Variants in FGF9 observed in about 807,000 individuals in gnomAD.
The protein encoded by FGF9 is fibroblast growth factor 9, also known as fibroblast growth factor 9 (glia-activating factor).
In FGF9, 3 loss-of-function variants were observed where a neutral mutation model predicts 19.9. The observed-to-expected ratio is 0.15, with a 90% confidence interval of 0.07 to 0.39. The LOEUF is 0.39. Ranked by LOEUF, FGF9 falls within the 10% of genes least tolerant of loss-of-function variation. FGF9 has a pLI of 1.00. For synonymous variants in FGF9, 107 were observed against 106.9 expected (o/e 1.00, Z -0.01); for missense variants, 175 against 256.8 (o/e 0.68, Z 2.18).
chr13:21,701,098 G>C lies in FGF9; in HGVS notation c.382-92G>C, dbSNP rs1593101351. ...AAATAGATAAACGTGTGCCAAGGTG[G>C]TTTGCTGCACCTATCAATCCATCCC... On this transcript the variant is annotated intron_variant, in intron 2 of 2. Coordinates refer to ENST00000382353, the MANE Select transcript of FGF9 (RefSeq NM_002010.3). 2.5e-5 allele frequency: 25 copies of C among 989,466 alleles called. No homozygotes were observed. The East Asian group carries it at 6.5e-4, about 26-fold the overall frequency. The allele number at this position is 989,466 out of a possible 1,614,324, so 61.3% of individuals were successfully genotyped here. A position where few individuals can be genotyped will look rare whatever the true frequency, so the allele number is the denominator to read the frequency against.
chr13:21,702,108 C>T lies in FGF9; in HGVS notation c.*673C>T, dbSNP rs1263929164. On this transcript the variant is annotated 3_prime_UTR_variant, in exon 3 of 3. Transcript: ENST00000382353. ...TATATAGAGTTTATTTTTAATGAAA[C>T]ATGTACAGGCCAGATAGGCATTTTG... is the stretch of plus-strand genomic sequence containing the variant. 1.3e-5 allele frequency: 2 copies of T among 151,582 alleles called. No individual in the cohort carries two copies. The highest frequency in any genetic ancestry group is 1.3e-4 in the Admixed American group (2 of 15,232). The allele number at this position is 151,582 out of a possible 1,614,324, so 9.4% of individuals were successfully genotyped here. A position where few individuals can be genotyped will look rare whatever the true frequency, so the allele number is the denominator to read the frequency against.
chr13:21,695,081 TGC>T (rs1167030772), intron 2 of FGF9, among the ~76,000 whole-genome samples: 70 of 139,832 alleles, frequency 5.0e-4, no homozygotes, highest in African/African-American at 1.6e-3. Flanking sequence ...TGTGTGTGTG[TGC>T]GTGTGTGTGT....
intron 2 of FGF9, among the ~76,000 whole-genome samples, chr13:21,684,248 T>C (rs1872106885): frequency 2.0e-5 from 3 of 152,226 alleles, no homozygotes; most frequent in South Asian, 2.1e-4. Flanking sequence ...GTTCCCATTA[T>C]TACATAAGTC....
Position 21,673,622 on chromosome 13 carries a change from G to T in FGF9, c.277+1433G>T. The stretch of plus-strand genomic sequence containing the variant: ...GAGAAGACTAAACTTTACTAAAAGT[G>T]CCGTTTCCATCTGGCCTCTTTAAGG... On this transcript the variant is annotated intron_variant, in intron 1 of 2. Coordinates refer to ENST00000382353, the MANE Select transcript of FGF9 (RefSeq NM_002010.3). Among the ~76,000 whole-genome samples the T allele has an allele frequency of 1.3e-5, 2 of 152,224 alleles. 1 individual carries two copies. The highest frequency in any genetic ancestry group is 3.8e-4 in the East Asian group (2 of 5,204).
intron 1 of FGF9, among the ~76,000 whole-genome samples, chr13:21,678,399 C>T (rs1871964503): frequency 6.6e-6 from 1 of 152,172 alleles, no homozygotes; most frequent in Non-Finnish European, 1.5e-5. Context: ...TATTAACCTC[C>T]TTAAACCTCA....
intron 2 of FGF9, among the ~76,000 whole-genome samples, chr13:21,692,533 G>A (rs532618729): frequency 5.3e-5 from 8 of 152,300 alleles, no homozygotes; most frequent in African/African-American, 1.9e-4. Flanking sequence ...GCAGCCATGG[G>A]CCGTCTTCTC....
intron 1 of FGF9, among the ~76,000 whole-genome samples, chr13:21,679,439 T>C (rs1444111969): frequency 3.3e-5 from 5 of 152,198 alleles, no homozygotes; most frequent in Non-Finnish European, 5.9e-5. Context: ...ATGTAAGTGC[T>C]TTTTTATTAG....
At chr13:21,698,632 T>G (rs944704454) in intron 2 of FGF9, among the ~76,000 whole-genome samples, 2 of 152,168 alleles carry the variant, frequency 1.3e-5, no homozygotes, top group Non-Finnish European at 2.9e-5. Context: ...GGGACTTTTG[T>G]GTATCTGTTT....
intron 2 of FGF9, among the ~76,000 whole-genome samples, chr13:21,682,634 A>G (rs1872067151): frequency 1.3e-5 from 2 of 152,154 alleles, no homozygotes; most frequent in South Asian, 4.2e-4. Context: ...AAGATAAGAT[A>G]CAAGATAAAG....
chr13:21,690,479 C>T (rs1471976185), intron 2 of FGF9, among the ~76,000 whole-genome samples: 3 of 152,204 alleles, frequency 2.0e-5, no homozygotes, highest in African/African-American at 7.2e-5. Context: ...CTCACAACCC[C>T]TTGTTTCTTG....
rs548822879 is a variant in FGF9 at position 21,701,619 on chromosome 13, TCTC to T, written c.*190_*192del. 1,756 of 794,032 alleles carry T rather than the reference TCTC, an allele frequency of 2.2e-3. 4 individuals carry two copies. Among genetic ancestry groups the T allele is most frequent in the Non-Finnish European group, 2.6e-3 (1,295 of 501,034 alleles). The allele number at this position is 794,032 out of a possible 1,614,324, so 49.2% of individuals were successfully genotyped here. On this transcript the variant is annotated 3_prime_UTR_variant, in exon 3 of 3. Transcript: ENST00000382353. ...TGATTTTGTTCTGCACTTAAAGGCT[TCTC>T]CTCCTGGAGGGCTGCCTAGGGCCAC...
chr13:21,672,909 C>T lies in FGF9; in HGVS notation c.277+720C>T, dbSNP rs1351181212. Among the ~76,000 whole-genome samples, 1 of 151,520 alleles carries T rather than the reference C, an allele frequency of 6.6e-6. No homozygotes were observed. The highest frequency in any genetic ancestry group is 1.5e-5 in the Non-Finnish European group (1 of 67,764). On this transcript the variant is annotated intron_variant, in intron 1 of 2. Transcript: ENST00000382353. This position sits in a 1 kb window ranked among gnomAD's most constrained non-coding sequence, Gnocchi z 4.2. The stretch of plus-strand genomic sequence containing the variant: ...AGCCCTGTGTAGGTCTCCTGCGTGG[C>T]TCTCTGGTGTGAGTGTGTGCGCGCG...
chr13:21,675,453 C>T (rs960216159), intron 1 of FGF9, among the ~76,000 whole-genome samples: 1 of 151,940 alleles, frequency 6.6e-6, no homozygotes, highest in African/African-American at 2.4e-5. Flanking sequence ...GGCGCTAGGA[C>T]ACCGCGGCTC....
At chr13:21,675,755 C>T (rs985052023) in intron 1 of FGF9, among the ~76,000 whole-genome samples, 2 of 152,104 alleles carry the variant, frequency 1.3e-5, no homozygotes, top group Non-Finnish European at 2.9e-5. Context: ...GAAGGAAACG[C>T]GCTGGAAAAA....
Position 21,701,318 on chromosome 13 carries a change from G to C in FGF9, c.510G>C (p.Gly170=). 6.2e-7 allele frequency: 1 copy of C among 1,613,972 alleles called. No individual in the cohort carries two copies. Residue 170 remains glycine (G), a synonymous_variant, in exon 3 of 3, where the codon GGG becomes GGC. Coordinates refer to ENST00000382353, the MANE Select transcript of FGF9 (RefSeq NM_002010.3). ...RRYYVALNKD[G]TPREGTRTKR... is the part of the protein sequence containing the mutation. Reference sequence around the variant, plus strand: ...ACTATGTTGCATTAAATAAAGATGGGACCCCGAGAGAAGGGACTAGGACTA... The same window carrying C: ...ACTATGTTGCATTAAATAAAGATGGCACCCCGAGAGAAGGGACTAGGACTA...
chr13:21,694,959 G>A (rs1482620614), intron 2 of FGF9, among the ~76,000 whole-genome samples: 1 of 152,142 alleles, frequency 6.6e-6, no homozygotes, highest in Non-Finnish European at 1.5e-5. Context: ...AGCTTCCAAG[G>A]AAGACCTCTC....
chr13:21,672,267 T>C lies in FGF9; in HGVS notation c.277+78T>C. ...AACTACCAAGAAGGTGGTGGCCGGG[T>C]GGGGGACGTGGGAAGGGTTCTCCCC... On this transcript the variant is annotated intron_variant, in intron 1 of 2. Transcript: ENST00000382353. This position sits in a 1 kb window ranked among gnomAD's most constrained non-coding sequence, Gnocchi z 4.2. The C allele has an allele frequency of 6.6e-7, 1 of 1,509,172 alleles. No homozygotes were observed. Among genetic ancestry groups the C allele is most frequent in the Non-Finnish European group, 9.2e-7 (1 of 1,087,698 alleles). The allele number at this position is 1,509,172 out of a possible 1,614,324, so 93.5% of individuals were successfully genotyped here.
chr13:21,701,551 G>A lies in FGF9; in HGVS notation c.*116G>A. The A allele has an allele frequency of 7.1e-7, 1 of 1,402,990 alleles. No individual in the cohort carries two copies. Among genetic ancestry groups the A allele is most frequent in the Non-Finnish European group, 1.0e-6 (1 of 992,816 alleles). The allele number at this position is 1,402,990 out of a possible 1,614,324, so 86.9% of individuals were successfully genotyped here. ...ATCAGCTCCACTGTTGCCAAACTTT[G>A]TCGCATGCATAATGTATGATGGAGG... On this transcript the variant is annotated 3_prime_UTR_variant, in exon 3 of 3. Coordinates refer to ENST00000382353, the MANE Select transcript of FGF9 (RefSeq NM_002010.3).
In FGF9 at chr13:21,703,728, A is replaced by T. The variant is rs1269656447; in HGVS notation, c.*2293A>T. ...AGGTATACTATGTAGCACTGAAAAA[A>T]TTGATTTTAGGTGACAGCCAAAAGT... is the stretch of plus-strand genomic sequence containing the variant. On this transcript the variant is annotated 3_prime_UTR_variant, in exon 3 of 3. Coordinates refer to ENST00000382353, the MANE Select transcript of FGF9 (RefSeq NM_002010.3). 1.3e-5 allele frequency: 2 copies of T among 152,122 alleles called. No homozygotes were observed. The highest frequency in any genetic ancestry group is 1.5e-5 in the Non-Finnish European group (1 of 68,016). 9.4% of individuals were successfully genotyped at this position (152,122 alleles called of 1,614,324 possible).
Sources: allele counts gnomAD v4.1 joint callset (sites outside exome capture counted in the v4.1 genomes callset), GRCh38; gene constraint gnomAD v4.1.1; non-coding constraint Gnocchi (gnomAD v3.1); transcripts MANE v1.5; gene names NCBI Gene and HGNC (gene_info 2026-07-23, HGNC 2026-07-21).